Variants in FARS2 observed in about 807,000 individuals in gnomAD.
The protein encoded by FARS2 is phenylalanyl-tRNA synthetase 2, mitochondrial.
FARS2 carries 40 observed loss-of-function variants against 46.4 expected under a neutral mutation model. That is an observed-to-expected ratio of 0.86 (90% confidence interval 0.67 to 1.12). FARS2 has a LOEUF of 1.12. FARS2 is among the 50% of genes most tolerant of loss of function. The pLI is 0.00. For missense variants in FARS2, 513 were observed against 567.9 expected, an observed-to-expected ratio of 0.90 and a Z score of 0.98; for synonymous variants, 234 against 214.9, an observed-to-expected ratio of 1.09 and a Z score of -0.78.
At chr6:5,709,787 G>A (rs546165097) in intron 6 of FARS2, among the ~76,000 whole-genome samples, 3 of 152,048 alleles carry the variant, frequency 2.0e-5, no homozygotes, top group African/African-American at 7.2e-5. Flanking sequence ...ATGTAGTGGA[G>A]CTGAAGGAAA....
chr6:5,379,105 G>C (rs1332591311), intron 2 of FARS2, among the ~76,000 whole-genome samples: 3 of 152,196 alleles, frequency 2.0e-5, no homozygotes, highest in East Asian at 1.9e-4. Flanking sequence ...TGAAATGTTA[G>C]TTTGTGTGTG....
chr6:5,454,952 T>C (rs1764752656), intron 4 of FARS2, among the ~76,000 whole-genome samples: 1 of 152,204 alleles, frequency 6.6e-6, no homozygotes, highest in Non-Finnish European at 1.5e-5. Context: ...ATCACCACTG[T>C]AGTAAACCAA....
chr6:5,379,551 C>A lies in FARS2; in HGVS notation c.612+10369C>A, dbSNP rs570539687. 5.9e-5 allele frequency among the ~76,000 whole-genome samples: 9 copies of A among 152,344 alleles called. No individual in the cohort carries two copies. In the East Asian group the frequency reaches 1.5e-3, roughly 26 times the overall value. On this transcript the variant is annotated intron_variant, in intron 2 of 6. Transcript: ENST00000274680. Reference sequence around the variant, plus strand: ...GAGAAGAGCCCCTTCCTCCTTCCCGCAGCTGTGGTTCACTGAGTGGCTCAG... The same window carrying A: ...GAGAAGAGCCCCTTCCTCCTTCCCGAAGCTGTGGTTCACTGAGTGGCTCAG...
chr6:5,277,441 A>G (rs1002815799), intron 1 of FARS2, among the ~76,000 whole-genome samples: 1 of 152,172 alleles, frequency 6.6e-6, no homozygotes, highest in Non-Finnish European at 1.5e-5. Context: ...TTGCAGATAC[A>G]TTTTTTTAAT....
At chr6:5,459,416 G>A (rs975283605) in intron 4 of FARS2, among the ~76,000 whole-genome samples, 5 of 151,094 alleles carry the variant, frequency 3.3e-5, no homozygotes, top group Admixed American at 6.6e-5. Context: ...ATGTCTTTTC[G>A]ATTTGATTTT....
intron 4 of FARS2, among the ~76,000 whole-genome samples, chr6:5,496,095 G>A (rs541295618): frequency 2.0e-5 from 3 of 152,118 alleles, no homozygotes; most frequent in South Asian, 4.2e-4. Context: ...CTTTCTTCCC[G>A]ATTACTACGG....
chr6:5,363,040 C>T (rs986819915), intron 1 of FARS2, among the ~76,000 whole-genome samples: 1 of 150,964 alleles, frequency 6.6e-6, no homozygotes, highest in Non-Finnish European at 1.5e-5. Flanking sequence ...CATTCTCCTG[C>T]CTCAGCCTCC....
chr6:5,749,179 G>C (rs958036269), intron 6 of FARS2, among the ~76,000 whole-genome samples: 1 of 152,194 alleles, frequency 6.6e-6, no homozygotes, highest in African/African-American at 2.4e-5. Flanking sequence ...AAGGGTCCAG[G>C]TCTGGGAGTG....
chr6:5,474,663 G>T (rs2432802), intron 4 of FARS2, among the ~76,000 whole-genome samples: 34,476 of 133,926 alleles, frequency 0.26, 4,416 homozygotes, highest in South Asian at 0.34. Context: ...ATACAGTACT[G>T]TTTTTTTTTT....
chr6:5,481,940 T>C (rs1263733985), intron 4 of FARS2, among the ~76,000 whole-genome samples: 1 of 152,172 alleles, frequency 6.6e-6, no homozygotes, highest in African/African-American at 2.4e-5. Flanking sequence ...AGGACTGTCC[T>C]CGTAAGTTCC....
In FARS2 at chr6:5,727,789, A is replaced by G. The variant is rs899149155; in HGVS notation, c.1218-43502A>G. On this transcript the variant is annotated intron_variant, in intron 6 of 6. Transcript: ENST00000274680. This position sits in a 1 kb window ranked among gnomAD's most constrained non-coding sequence, Gnocchi z 4.1. ...GCTCAAAACACTTCCTCGAGCTTCTATACATTCTGCTCGTTGCCATGTGTC... is the reference window on the plus strand; with the variant it reads ...GCTCAAAACACTTCCTCGAGCTTCTGTACATTCTGCTCGTTGCCATGTGTC... Among the ~76,000 whole-genome samples, 2 of 152,170 alleles carry G rather than the reference A, an allele frequency of 1.3e-5. No individual in the cohort carries two copies. The highest frequency in any genetic ancestry group is 2.4e-5 in the African/African-American group (1 of 41,438).
chr6:5,717,929 T>TAGAGAGAG (rs372348270), intron 6 of FARS2, among the ~76,000 whole-genome samples: 4 of 105,034 alleles, frequency 3.8e-5, no homozygotes, highest in Non-Finnish European at 7.3e-5. Context: ...TATATATATA[T>TAGAGAGAG]ATATATACAG....
chr6:5,326,097 G>A (rs1008383278), intron 1 of FARS2, among the ~76,000 whole-genome samples: 7 of 152,202 alleles, frequency 4.6e-5, no homozygotes, highest in Non-Finnish European at 8.8e-5. Flanking sequence ...AATTTCTGAC[G>A]TAAGAATTTC....
At chr6:5,470,747 G>T (rs1308562560) in intron 4 of FARS2, among the ~76,000 whole-genome samples, 2 of 152,092 alleles carry the variant, frequency 1.3e-5, no homozygotes, top group Non-Finnish European at 2.9e-5. Context: ...AGAAAAACAA[G>T]GCTTTCTTTT....
At chr6:5,585,468 C>T (rs1449468500) in intron 5 of FARS2, among the ~76,000 whole-genome samples, 7 of 152,026 alleles carry the variant, frequency 4.6e-5, no homozygotes, top group Non-Finnish European at 8.8e-5. Flanking sequence ...ACCAACACCT[C>T]CCCATTCCCC....
chr6:5,403,714 T>C (rs1454743021), intron 2 of FARS2, among the ~76,000 whole-genome samples: 1 of 152,172 alleles, frequency 6.6e-6, no homozygotes, highest in Non-Finnish European at 1.5e-5. Flanking sequence ...ATTAAAACAT[T>C]TTTTATGTTT....
chr6:5,706,431 T>C (rs1339547613), intron 6 of FARS2, among the ~76,000 whole-genome samples: 3 of 152,198 alleles, frequency 2.0e-5, no homozygotes, highest in Admixed American at 2.0e-4. Context: ...AATCTTAAAG[T>C]TGGCCAGTGC....
intron 4 of FARS2, among the ~76,000 whole-genome samples, chr6:5,472,695 C>A (rs553649813): frequency 6.6e-6 from 1 of 152,162 alleles, no homozygotes; most frequent in African/African-American, 2.4e-5. Context: ...CTAGGTGGTC[C>A]AAGGTGCAAT....
At chr6:5,496,866 A>G (rs1223571366) in intron 4 of FARS2, among the ~76,000 whole-genome samples, 1 of 152,024 alleles carries the variant, frequency 6.6e-6, no homozygotes, top group Non-Finnish European at 1.5e-5. Context: ...TTATTTTTTT[A>G]GAGGTAGAGG....
Sources: allele counts gnomAD v4.1 joint callset (sites outside exome capture counted in the v4.1 genomes callset), GRCh38; gene constraint gnomAD v4.1.1; non-coding constraint Gnocchi (gnomAD v3.1); transcripts MANE v1.5; gene names NCBI Gene and HGNC (gene_info 2026-07-23, HGNC 2026-07-21).